GRM8: variants seen among roughly 807,000 people sequenced by gnomAD.
GRM8 encodes metabotropic glutamate receptor 8.
Under a neutral mutation model 87.2 loss-of-function variants are expected in GRM8, and 47 were observed. That is an observed-to-expected ratio of 0.54 (90% confidence interval 0.43 to 0.69). GRM8 has a LOEUF of 0.69. Among genes scored for constraint, GRM8 ranks in the 30% least tolerant of loss-of-function variants. The pLI is 0.00. For synonymous variants in GRM8, 396 were observed against 404.5 expected, an observed-to-expected ratio of 0.98 and a Z score of 0.25; for missense variants, 1,019 against 1,139.2, an observed-to-expected ratio of 0.89 and a Z score of 1.52.
chr7:126,901,672 G>A (rs1802088774), intron 6 of GRM8, among the ~76,000 whole-genome samples: 1 of 152,136 alleles, frequency 6.6e-6, no homozygotes, highest in Admixed American at 6.5e-5. Context: ...TCAAAGTCTG[G>A]GGGTGGCAGG....
intron 8 of GRM8, among the ~76,000 whole-genome samples, chr7:126,554,622 G>A (rs952134132): frequency 8.6e-5 from 13 of 151,670 alleles, no homozygotes; most frequent in African/African-American, 2.9e-4. Flanking sequence ...AGAGTCACAA[G>A]GAAGAAAAGA....
intron 3 of GRM8, among the ~76,000 whole-genome samples, chr7:126,984,683 C>T (rs983642894): frequency 6.6e-6 from 1 of 152,026 alleles, no homozygotes; most frequent in African/African-American, 2.4e-5. Flanking sequence ...TAAATATGTC[C>T]TATTAGTTCT....
chr7:126,792,740 T>C (rs1031910510), intron 6 of GRM8, among the ~76,000 whole-genome samples: 1 of 152,198 alleles, frequency 6.6e-6, no homozygotes, highest in South Asian at 2.1e-4. Flanking sequence ...CAGGCATGAA[T>C]AGTGTATTCA....
chr7:126,720,030 A>G (rs1425259927), intron 7 of GRM8, among the ~76,000 whole-genome samples: 1 of 152,040 alleles, frequency 6.6e-6, no homozygotes, highest in Admixed American at 6.6e-5. Context: ...TCAATATACT[A>G]TAAACATACC....
At chr7:126,962,280 C>G (rs1237381831) in intron 3 of GRM8, among the ~76,000 whole-genome samples, 1 of 152,172 alleles carries the variant, frequency 6.6e-6, no homozygotes, top group Non-Finnish European at 1.5e-5. Flanking sequence ...CAAAGTCAAA[C>G]AATCAGTAGT....
intron 2 of GRM8, among the ~76,000 whole-genome samples, chr7:127,211,808 T>A (rs1369039739): frequency 6.6e-6 from 1 of 152,222 alleles, no homozygotes; most frequent in Non-Finnish European, 1.5e-5. Context: ...ATCCTGGACT[T>A]ACCAATCTCA....
At chr7:126,964,955 T>C (rs1371407111) in intron 3 of GRM8, among the ~76,000 whole-genome samples, 1 of 152,194 alleles carries the variant, frequency 6.6e-6, no homozygotes, top group African/African-American at 2.4e-5. Flanking sequence ...GTGGCACATA[T>C]ACACCATGGA....
At chr7:126,708,067 G>T (rs956028479) in intron 7 of GRM8, among the ~76,000 whole-genome samples, 2 of 151,942 alleles carry the variant, frequency 1.3e-5, no homozygotes, top group Non-Finnish European at 2.9e-5. Context: ...TTAAAAAATG[G>T]ACAAAAGACC....
At chr7:126,941,046 A>G (rs1806865447) in intron 3 of GRM8, among the ~76,000 whole-genome samples, 1 of 152,192 alleles carries the variant, frequency 6.6e-6, no homozygotes, top group African/African-American at 2.4e-5. Flanking sequence ...AGGTTTTTAT[A>G]CAGGATGGTG....
intron 9 of GRM8, among the ~76,000 whole-genome samples, chr7:126,513,604 T>C (rs1407379892): frequency 6.6e-6 from 1 of 152,162 alleles, no homozygotes; most frequent in African/African-American, 2.4e-5. Context: ...CCGGTTGCTC[T>C]ACTGTCTGTT....
chr7:126,605,725 A>T (rs2151088770), intron 8 of GRM8, among the ~76,000 whole-genome samples: 1 of 152,320 alleles, frequency 6.6e-6, no homozygotes, highest in Non-Finnish European at 1.5e-5. Context: ...ATCTGGTTTA[A>T]TAGAACAAGA....
chr7:126,666,140 G>T (rs1316366786), intron 7 of GRM8, among the ~76,000 whole-genome samples: 1 of 152,196 alleles, frequency 6.6e-6, no homozygotes, highest in Admixed American at 6.5e-5. Flanking sequence ...TTGTCATACA[G>T]TCTGATGTAT....
At chr7:126,660,651 A>T (rs1805061789) in intron 7 of GRM8, among the ~76,000 whole-genome samples, 1 of 152,210 alleles carries the variant, frequency 6.6e-6, no homozygotes, top group Non-Finnish European at 1.5e-5. Context: ...TAAAATCAGT[A>T]TGGCTGAATA....
intron 9 of GRM8, among the ~76,000 whole-genome samples, chr7:126,460,062 G>A (rs1803718348): frequency 6.6e-6 from 1 of 151,514 alleles, no homozygotes; most frequent in Non-Finnish European, 1.5e-5. Context: ...CTTAGTGCTA[G>A]GACTGGAGCC....
At chr7:126,951,403 T>A (rs564908779) in intron 3 of GRM8, among the ~76,000 whole-genome samples, 2 of 152,184 alleles carry the variant, frequency 1.3e-5, no homozygotes, top group African/African-American at 4.8e-5. Flanking sequence ...GAACCACAGT[T>A]ATGATTCATA....
At chr7:127,007,084 CA>C (rs1339604308) in intron 3 of GRM8, among the ~76,000 whole-genome samples, 1 of 151,970 alleles carries the variant, frequency 6.6e-6, no homozygotes, top group Non-Finnish European at 1.5e-5. Context: ...TGGAGAGAAA[CA>C]ATTCCAATTC....
At chr7:126,475,831 T>A (rs988617049) in intron 9 of GRM8, among the ~76,000 whole-genome samples, 16 of 152,150 alleles carry the variant, frequency 1.1e-4, no homozygotes, top group Admixed American at 7.2e-4. Context: ...AGTCACCTAA[T>A]CTTTTACAAG....
chr7:126,463,615 C>T (rs1250591850), intron 9 of GRM8, among the ~76,000 whole-genome samples: 1 of 151,616 alleles, frequency 6.6e-6, no homozygotes, highest in Non-Finnish European at 1.5e-5. Flanking sequence ...ATTAAATTTT[C>T]AAGGAAGAAT....
At chr7:126,617,623 A>G (rs1799652874) in intron 7 of GRM8, among the ~76,000 whole-genome samples, 2 of 152,152 alleles carry the variant, frequency 1.3e-5, no homozygotes, top group African/African-American at 4.8e-5. Context: ...TATATTTAGA[A>G]AACCCCACTG....
Sources: gnomAD v4.1 joint callset for allele counts (sites outside exome capture counted in the v4.1 genomes callset) on GRCh38, gnomAD v4.1.1 for gene constraint, MANE v1.5 for transcripts, NCBI Gene and HGNC (gene_info 2026-07-23, HGNC 2026-07-21) for gene names.